Variants in TMEM132B observed in about 807,000 individuals in gnomAD.
The protein encoded by TMEM132B is transmembrane protein 132B.
In TMEM132B, 18 loss-of-function variants were observed where a neutral mutation model predicts 90.8. The ratio of observed to expected loss-of-function variants is 0.20; its 90% CI spans 0.14 to 0.29. The LOEUF is 0.29. TMEM132B is among the 10% of genes least tolerant of loss of function. TMEM132B has a pLI of 1.00. For missense variants in TMEM132B, 1,096 were observed against 1,326.8 expected, an observed-to-expected ratio of 0.83 and a Z score of 2.70; for synonymous variants, 504 against 523.3, an observed-to-expected ratio of 0.96 and a Z score of 0.50.
At chr12:125,206,870 A>T (rs948167985) in intron 1 of TMEM132B, among the ~76,000 whole-genome samples, 1 of 152,330 alleles carries the variant, frequency 6.6e-6, no homozygotes, top group Non-Finnish European at 1.5e-5. Context: ...GCTTGGACGC[A>T]TTGTTTCTGT....
At chr12:125,274,759 C>T (rs527558120) in intron 1 of TMEM132B, among the ~76,000 whole-genome samples, 24 of 152,220 alleles carry the variant, frequency 1.6e-4, no homozygotes, top group African/African-American at 5.1e-4. Context: ...CTCCTAAGGG[C>T]GACCTAAAGA....
At chr12:125,321,851 TA>T (rs993740765) in intron 1 of TMEM132B, among the ~76,000 whole-genome samples, 84 of 145,454 alleles carry the variant, frequency 5.8e-4, no homozygotes, top group South Asian at 4.1e-3. Flanking sequence ...ATATCTACTT[TA>T]AAAAAAAAAA....
chr12:125,464,634 C>T (rs1220687052), intron 3 of TMEM132B, among the ~76,000 whole-genome samples: 2 of 152,100 alleles, frequency 1.3e-5, no homozygotes, highest in East Asian at 1.9e-4. Flanking sequence ...TTCTTGTCTT[C>T]GTGATTAAAG....
At chr12:125,624,714 G>C (rs1032853244) in intron 5 of TMEM132B, among the ~76,000 whole-genome samples, 1 of 152,116 alleles carries the variant, frequency 6.6e-6, no homozygotes, top group African/African-American at 2.4e-5. Context: ...TTGTGTTCAC[G>C]ATCTTACTAG....
intron 3 of TMEM132B, among the ~76,000 whole-genome samples, chr12:125,470,287 G>A (rs1242176659): frequency 6.6e-6 from 1 of 152,194 alleles, no homozygotes; most frequent in Admixed American, 6.5e-5. Context: ...GCAGACAGTG[G>A]GGATTCTGGG....
Position 125,209,576 on chromosome 12 carries a change from C to T in TMEM132B, c.67+22710C>T, listed in dbSNP as rs568035612. Among the ~76,000 whole-genome samples, 29 of 152,340 alleles carry T rather than the reference C, an allele frequency of 1.9e-4. No homozygotes were observed. Among genetic ancestry groups the T allele is most frequent in the South Asian group, 1.0e-3 (5 of 4,832 alleles). On this transcript the variant is annotated intron_variant, in intron 1 of 8. Transcript: ENST00000682704. This position sits in a 1 kb window ranked among gnomAD's most constrained non-coding sequence, Gnocchi z 4.4. ...TTCCTGGCTGCTGTGGTGCTGGTCA[C>T]GCTTGGGAGCATGGAGACACTCGTT...
chr12:125,300,690 C>T (rs1875798683), intron 1 of TMEM132B, among the ~76,000 whole-genome samples: 1 of 152,198 alleles, frequency 6.6e-6, no homozygotes, highest in Non-Finnish European at 1.5e-5. Flanking sequence ...GAGGAGCCGT[C>T]ATTAGCTCAT....
At chr12:125,294,987 G>A (rs1259966879) in intron 1 of TMEM132B, among the ~76,000 whole-genome samples, 11 of 152,108 alleles carry the variant, frequency 7.2e-5, no homozygotes, top group African/African-American at 1.9e-4. Flanking sequence ...CCTTAACGGC[G>A]GGTGGTAGGA....
intron 1 of TMEM132B, among the ~76,000 whole-genome samples, chr12:125,257,391 C>T (rs1434570468): frequency 6.6e-6 from 1 of 152,234 alleles, no homozygotes; most frequent in Non-Finnish European, 1.5e-5. Context: ...ACCAAGCAGG[C>T]TTTTCTGCGT....
intron 4 of TMEM132B, among the ~76,000 whole-genome samples, chr12:125,531,583 T>C (rs890667889): frequency 5.9e-5 from 9 of 152,184 alleles, no homozygotes; most frequent in Non-Finnish European, 1.2e-4. Context: ...GTCAGTATAA[T>C]TACCGTTGAG....
intron 2 of TMEM132B, among the ~76,000 whole-genome samples, chr12:125,370,021 C>T (rs918428617): frequency 3.3e-5 from 5 of 152,096 alleles, no homozygotes; most frequent in African/African-American, 1.2e-4. Context: ...TGCATTCCAA[C>T]CTGGGCGACA....
At chr12:125,429,204 CTT>C (rs1290390320) in intron 3 of TMEM132B, among the ~76,000 whole-genome samples, 2 of 143,210 alleles carry the variant, frequency 1.4e-5, no homozygotes, top group Non-Finnish European at 3.1e-5. Context: ...TGTCCTCTTT[CTT>C]TTTTTTTTTT....
chr12:125,263,606 TTGG>T (rs1477386880), intron 1 of TMEM132B, among the ~76,000 whole-genome samples: 1 of 152,200 alleles, frequency 6.6e-6, no homozygotes, highest in African/African-American at 2.4e-5. Context: ...TTCCAGTCCC[TTGG>T]TGGTCAATAA....
intron 3 of TMEM132B, among the ~76,000 whole-genome samples, chr12:125,499,870 C>T (rs1376077574): frequency 3.3e-5 from 5 of 152,214 alleles, no homozygotes. Context: ...GACGCACACA[C>T]TATATTGTAA....
chr12:125,634,419 C>T (rs1039402591), intron 5 of TMEM132B, among the ~76,000 whole-genome samples: 1 of 152,194 alleles, frequency 6.6e-6, no homozygotes, highest in Admixed American at 6.5e-5. Flanking sequence ...GTGCTCTATC[C>T]ATGTGTGGTC....
At chr12:125,613,488 C>T (rs1343171256) in intron 5 of TMEM132B, among the ~76,000 whole-genome samples, 1 of 151,356 alleles carries the variant, frequency 6.6e-6, no homozygotes, top group African/African-American at 2.4e-5. Flanking sequence ...TTCTACTTTA[C>T]TCTGTTTCCT....
intron 1 of TMEM132B, among the ~76,000 whole-genome samples, chr12:125,283,669 G>A (rs1266690801): frequency 2.6e-5 from 4 of 152,222 alleles, no homozygotes; most frequent in Admixed American, 6.5e-5. Flanking sequence ...TTTAGCCTCC[G>A]AGTAGCTTCC....
intron 4 of TMEM132B, among the ~76,000 whole-genome samples, chr12:125,575,869 G>GA (rs1202043322): frequency 6.6e-6 from 1 of 152,018 alleles, no homozygotes. Context: ...TCAATCTGCT[G>GA]AAAATGAGAG....
intron 6 of TMEM132B, among the ~76,000 whole-genome samples, chr12:125,650,222 G>A (rs778526598): frequency 2.6e-5 from 4 of 152,118 alleles, no homozygotes; most frequent in Non-Finnish European, 5.9e-5. Context: ...GTGGTACTAT[G>A]AGAGAGGAAA....
Sources: gnomAD v4.1 joint callset for allele counts (sites outside exome capture counted in the v4.1 genomes callset) on GRCh38, gnomAD v4.1.1 for gene constraint, Gnocchi (gnomAD v3.1) non-coding constraint, MANE v1.5 for transcripts, NCBI Gene and HGNC (gene_info 2026-07-23, HGNC 2026-07-21) for gene names.